Variants in PPFIA3 observed in about 807,000 individuals in gnomAD.
The protein encoded by PPFIA3 is liprin-alpha-3.
Under a neutral mutation model 145.8 loss-of-function variants are expected in PPFIA3, and 26 were observed. The ratio of observed to expected loss-of-function variants is 0.18; its 90% CI spans 0.13 to 0.25. The LOEUF (loss-of-function observed/expected upper bound fraction) is 0.25. Among genes scored for constraint, PPFIA3 ranks in the 10% least tolerant of loss-of-function variants. The pLI, the probability that PPFIA3 is intolerant of heterozygous loss-of-function variation, is 1.00. For synonymous variants in PPFIA3, 645 were observed against 661.4 expected (o/e 0.98, Z 0.38); for missense variants, 1,008 against 1,587.8 (o/e 0.63, Z 6.21).
chr19:49,127,404 A>G (rs1050244158), intron 1 of PPFIA3, among the ~76,000 whole-genome samples: 1 of 149,542 alleles, frequency 6.7e-6, no homozygotes, highest in Non-Finnish European at 1.5e-5. Flanking sequence ...AAAAAAAAAA[A>G]AAAGAAAGTA....
chr19:49,138,014 C>T (rs2122600381), intron 15 of PPFIA3, among the ~76,000 whole-genome samples, 191 bp from the exon 16 acceptor site: 1 of 152,282 alleles, frequency 6.6e-6, no homozygotes, highest in Non-Finnish European at 1.5e-5. Context: ...CTTCCTGAGA[C>T]TCTCAGGACC....
intron 1 of PPFIA3, among the ~76,000 whole-genome samples, chr19:49,121,339 G>A (rs2040934295): frequency 6.6e-6 from 1 of 151,972 alleles, no homozygotes; most frequent in Non-Finnish European, 1.5e-5. Flanking sequence ...TTTGAGACAA[G>A]GTCTCTGTTG....
At chr19:49,148,018 C>A in intron 23 of PPFIA3, 65 bp from the exon 24 acceptor site, 1 of 1,497,914 alleles carries the variant, frequency 6.7e-7, no homozygotes, top group Non-Finnish European at 9.1e-7. Context: ...GGACTGTACC[C>A]CTCTCATGCA....
intron 1 of PPFIA3, among the ~76,000 whole-genome samples, chr19:49,126,257 T>TG (rs1213150521): frequency 6.9e-6 from 1 of 144,442 alleles, no homozygotes; most frequent in Non-Finnish European, 1.5e-5. Flanking sequence ...CGTTACTGTG[T>TG]TTTTTTTTTG....
In PPFIA3 at chr19:49,128,147, CG is replaced by C; in HGVS notation, c.240+38del. On this transcript the variant is annotated intron_variant, in intron 2 of 29. Transcript: ENST00000334186. The surrounding 1 kb of genome is among the most constrained non-coding windows in gnomAD (Gnocchi z 4.1). ...GGGACAGGGGCGGGGCATGAGGGGG[CG>C]GGGCCTCGGGGGGAAGAAGGCGGTC... 1 of 358,078 alleles carries C rather than the reference CG, an allele frequency of 2.8e-6. No individual in the cohort carries two copies. Among genetic ancestry groups the C allele is most frequent in the Non-Finnish European group, 4.5e-6 (1 of 221,472 alleles). The allele number at this position is 358,078 out of a possible 1,614,324, so 22.2% of individuals were successfully genotyped here.
Position 49,133,930 on chromosome 19 carries a change from A to G in PPFIA3, c.1245+51A>G, listed in dbSNP as rs767414612. 1.2e-6 allele frequency: 2 copies of G among 1,606,988 alleles called. No homozygotes were observed. The highest frequency in any genetic ancestry group is 2.7e-5 in the African/African-American group (2 of 73,714). On this transcript the variant is annotated intron_variant, in intron 10 of 29. Coordinates refer to ENST00000334186, the MANE Select transcript of PPFIA3 (RefSeq NM_003660.4). This position sits in a 1 kb window ranked among gnomAD's most constrained non-coding sequence, Gnocchi z 7.2. ...GGGTGGGGCTTCGAGGCTGGGGCGG[A>G]GCTTAATAAGGAGGCTGGGCTGGGC...
chr19:49,134,460 TC>T (rs2041113320), intron 11 of PPFIA3, among the ~76,000 whole-genome samples, 178 bp from the exon 12 acceptor site: 1 of 152,144 alleles, frequency 6.6e-6, no homozygotes, highest in Non-Finnish European at 1.5e-5. Flanking sequence ...GGACGTCGCA[TC>T]CCGGGGCTTC....
In PPFIA3 at chr19:49,133,480, G is replaced by A. The variant is rs1304607507; in HGVS notation, c.1161+109G>A. On this transcript the variant is annotated intron_variant, in intron 9 of 29. Coordinates refer to ENST00000334186, the MANE Select transcript of PPFIA3 (RefSeq NM_003660.4). This position sits in a 1 kb window ranked among gnomAD's most constrained non-coding sequence, Gnocchi z 7.2. ...GAGCGAGGTCAGAACCCCGGATTTGGGGGAAAGGGTGGGGCCTAGGGGCTG... is the reference window on the plus strand; with the variant it reads ...GAGCGAGGTCAGAACCCCGGATTTGAGGGAAAGGGTGGGGCCTAGGGGCTG... 3.0e-6 allele frequency: 4 copies of A among 1,345,766 alleles called. No individual in the cohort carries two copies. Among genetic ancestry groups the A allele is most frequent in the Non-Finnish European group, 3.9e-6 (4 of 1,014,782 alleles). 83.4% of individuals were successfully genotyped at this position (1,345,766 alleles called of 1,614,324 possible).
At position 49,138,263 on chromosome 19, in the gene PPFIA3, G is replaced by A. The variant is rs943995294; in HGVS notation, c.1912G>A (p.Val638Met). The change falls in exon 16 of 30, where the codon GTG becomes ATG. Residue 638 changes from valine to methionine, a missense_variant. Val to Met is a conservative substitution (Grantham distance 21). Coordinates refer to ENST00000334186, the MANE Select transcript of PPFIA3 (RefSeq NM_003660.4). ...EQRAEELESR[V>M]SSSGLDSLGR... is the part of the protein sequence containing the mutation. ...GAGGGCAGAGGAGCTGGAGAGTCGG[G>A]TGTCCAGCTCTGGCTTGGACTCGTT... is the stretch of plus-strand genomic sequence containing the variant. 1 of 1,613,248 alleles carries A rather than the reference G, an allele frequency of 6.2e-7. No homozygotes were observed. The highest frequency in any genetic ancestry group is 8.5e-7 in the Non-Finnish European group (1 of 1,179,406).
At chr19:49,126,973 G>GGTA (rs561089303) in intron 1 of PPFIA3, among the ~76,000 whole-genome samples, 15 of 150,990 alleles carry the variant, frequency 9.9e-5, no homozygotes, top group Non-Finnish European at 2.2e-4. Flanking sequence ...CTCTCACCCA[G>GGTA]GTAGCCAGGA....
chr19:49,127,848 C>T lies in PPFIA3; in HGVS notation c.-15-11C>T, dbSNP rs774428197. 7.6e-6 allele frequency: 12 copies of T among 1,588,328 alleles called. No individual in the cohort carries two copies. Among genetic ancestry groups the T allele is most frequent in the African/African-American group, 1.4e-5 (1 of 73,660 alleles). On this transcript the variant is annotated splice_polypyrimidine_tract_variant and intron_variant, in intron 1 of 29. Coordinates refer to ENST00000334186, the MANE Select transcript of PPFIA3 (RefSeq NM_003660.4). ...AAGGCCGGTCTGTTCCTTGCCCTCC[C>T]CGCCCCGCAGGCCCGCACCGCCGCC...
chr19:49,121,646 C>T (rs2040937287), intron 1 of PPFIA3, among the ~76,000 whole-genome samples: 1 of 152,128 alleles, frequency 6.6e-6, no homozygotes, highest in South Asian at 2.1e-4. Flanking sequence ...CGTGGTGGCA[C>T]ATGCCTGTAA....
In PPFIA3 at chr19:49,137,616, G is replaced by A. The variant is rs181043614; in HGVS notation, c.1854-589G>A. The stretch of plus-strand genomic sequence containing the variant: ...TGCACTCCAGCCTGGGCTACAGAGC[G>A]AGACTCCGTGTCAAAAAAAAAAAAA... On this transcript the variant is annotated intron_variant, in intron 15 of 29. Transcript: ENST00000334186. Among the ~76,000 whole-genome samples the A allele has an allele frequency of 2.9e-4, 22 of 75,984 alleles. No homozygotes were observed. In the East Asian group the frequency reaches 5.7e-3, roughly 20 times the overall value. 49.8% of individuals were successfully genotyped at this position (75,984 alleles called of 152,430 possible). A position where few individuals can be genotyped will look rare whatever the true frequency, so the allele number is the denominator to read the frequency against.
At chr19:49,123,802 C>T (rs891134443) in intron 1 of PPFIA3, among the ~76,000 whole-genome samples, 1 of 152,140 alleles carries the variant, frequency 6.6e-6, no homozygotes, top group Non-Finnish European at 1.5e-5. Flanking sequence ...TTCCTTCCCC[C>T]GGTTCTAGGT....
chr19:49,122,611 C>A (rs144651623), intron 1 of PPFIA3, among the ~76,000 whole-genome samples: 1 of 152,004 alleles, frequency 6.6e-6, no homozygotes, highest in Non-Finnish European at 1.5e-5. Flanking sequence ...CTTCCTAATT[C>A]GTGCCATTGA....
chr19:49,148,346 C>T, intron 24 of PPFIA3, 88 bp downstream of exon 24: 2 of 1,408,596 alleles, frequency 1.4e-6, no homozygotes, highest in African/African-American at 2.9e-5. Flanking sequence ...ATGGGAGATT[C>T]CCAGGCTTAT....
Position 49,128,250 on chromosome 19 carries a change from C to A in PPFIA3, c.241-117C>A. ...CCGTTAATGGGCGGGGCCTGAGTGG[C>A]AAGGGACAGCGGGACTTAGCAGGGA... On this transcript the variant is annotated intron_variant, in intron 2 of 29. Transcript: ENST00000334186. The surrounding 1 kb of genome is among the most constrained non-coding windows in gnomAD (Gnocchi z 4.1). 6.8e-7 allele frequency: 1 copy of A among 1,478,466 alleles called. No homozygotes were observed. Among genetic ancestry groups the A allele is most frequent in the Non-Finnish European group, 9.3e-7 (1 of 1,075,214 alleles). 91.6% of individuals were successfully genotyped at this position (1,478,466 alleles called of 1,614,324 possible).
In PPFIA3 at chr19:49,136,757, C is replaced by G. The variant is rs373548645; in HGVS notation, c.1699C>G (p.Pro567Ala). 6.4e-7 allele frequency: 1 copy of G among 1,572,870 alleles called. No individual in the cohort carries two copies. Among genetic ancestry groups the G allele is most frequent in the Non-Finnish European group, 8.6e-7 (1 of 1,157,626 alleles). ...GCGGTCTGCCCCTGCGGGCTCCATACCACCCCCATTCCCTGGGGAACTGGA... is the reference window on the plus strand; with the variant it reads ...GCGGTCTGCCCCTGCGGGCTCCATAGCACCCCCATTCCCTGGGGAACTGGA... Reference protein sequence around the residue: ...WERSAPAGSIPPPFPGELDGS... With the variant: ...WERSAPAGSIAPPFPGELDGS... The change falls in exon 15 of 30, where the codon CCA (proline) becomes GCA (alanine). Residue 567 changes from proline to alanine, a missense_variant. Physicochemically the swap from Pro to Ala is conservative, Grantham distance 27. This residue lies in a region of PPFIA3 where 121 missense variants were observed against 138.2 expected (regional missense o/e 0.88). Coordinates refer to ENST00000334186, the MANE Select transcript of PPFIA3 (RefSeq NM_003660.4).
intron 5 of PPFIA3, 100 bp from the exon 6 acceptor site, chr19:49,129,893 A>G: frequency 7.8e-7 from 1 of 1,288,026 alleles, no homozygotes; most frequent in Non-Finnish European, 1.1e-6. Context: ...GAGGCATCTC[A>G]TATGGGGCCG....
Sources: gnomAD v4.1 joint callset for allele counts (sites outside exome capture counted in the v4.1 genomes callset) on GRCh38, gnomAD v4.1.1 for gene constraint, gnomAD v4.1.1 regional missense constraint, Gnocchi (gnomAD v3.1) non-coding constraint, MANE v1.5 for transcripts, NCBI Gene and HGNC (gene_info 2026-07-23, HGNC 2026-07-21) for gene names.